RYR1: variants seen among roughly 807,000 people sequenced by gnomAD.
The protein encoded by RYR1 is central core disease of muscle.
RYR1 carries 342 observed loss-of-function variants against 583.5 expected under a neutral mutation model. The observed-to-expected ratio is 0.59, with a 90% confidence interval of 0.54 to 0.64. RYR1 has a LOEUF of 0.64. Among genes scored for constraint, RYR1 ranks in the 30% least tolerant of loss-of-function variants. The probability of loss-of-function intolerance (pLI) is 0.00; values close to 1 mark genes in which losing one functional copy is unlikely to be tolerated. For synonymous variants in RYR1, 2,791 were observed against 2,822.5 expected (o/e 0.99, Z 0.35); for missense variants, 6,032 against 6,917.2 (o/e 0.87, Z 4.54).
intron 26 of RYR1, 32 bp from the exon 27 acceptor site, chr19:38,469,273 C>G: frequency 6.2e-7 from 1 of 1,612,486 alleles, no homozygotes; most frequent in Non-Finnish European, 8.5e-7. Context: ...CCCACCTGCC[C>G]TCACCCCTGC....
rs1197396980 is a variant in RYR1, at chr19:38,535,303, T to C, written c.11440-13T>C. Reference sequence around the variant, plus strand: ...GACTCCCAGTTTCTCCTCCCCTGCCTCGCCCTCTGCAGAAAATGCTGGATT... The same window carrying C: ...GACTCCCAGTTTCTCCTCCCCTGCCCCGCCCTCTGCAGAAAATGCTGGATT... On this transcript the variant is annotated splice_polypyrimidine_tract_variant and intron_variant, in intron 80 of 105. Transcript: ENST00000359596. 2 of 1,613,956 alleles carry C rather than the reference T, an allele frequency of 1.2e-6. No individual in the cohort carries two copies. The highest frequency in any genetic ancestry group is 1.3e-5 in the African/African-American group (1 of 74,924).
Position 38,532,561 on chromosome 19 carries a change from T to C in RYR1, c.11193+20T>C, listed in dbSNP as rs771778522. 1 of 1,614,062 alleles carries C rather than the reference T, an allele frequency of 6.2e-7. No homozygotes were observed. The highest frequency in any genetic ancestry group is 8.5e-7 in the Non-Finnish European group (1 of 1,179,928). ...GCAAAGGTGAGGCCCTACCCCCCTC[T>C]TCTGGGGCAGATTTCCCTCTCCCCA... On this transcript the variant is annotated intron_variant, in intron 77 of 105. Coordinates refer to ENST00000359596, the MANE Select transcript of RYR1 (RefSeq NM_000540.3).
At chr19:38,448,245 A>G (rs1966889623) in intron 9 of RYR1, 110 bp from the exon 10 acceptor site, 2 of 1,251,892 alleles carry the variant, frequency 1.6e-6, no homozygotes, top group African/African-American at 3.0e-5. Flanking sequence ...CAGCTTGGGC[A>G]ACATAGCAAG....
In RYR1 at chr19:38,451,524, TAG is replaced by T. The variant is rs1248424398; in HGVS notation, c.1123-234_1123-233del. 1.7e-4 allele frequency among the ~76,000 whole-genome samples: 26 copies of T among 150,340 alleles called. 2 individuals are homozygous for T. The East Asian group carries it at 5.1e-3, about 30-fold the overall frequency. ...GAGGCAGGGACAGAGGTGAGAGAGA[TAG>T]AGAGACAAAGACAGACAAAACCAAA... On this transcript the variant is annotated intron_variant, in intron 11 of 105. Coordinates refer to ENST00000359596, the MANE Select transcript of RYR1 (RefSeq NM_000540.3).
chr19:38,576,426 G>A (rs934733224), intron 97 of RYR1, among the ~76,000 whole-genome samples: 34 of 152,180 alleles, frequency 2.2e-4, no homozygotes, highest in African/African-American at 8.2e-4. Context: ...TACAGCCTGG[G>A]TGAAAGAGTG....
chr19:38,456,996 A>C (rs113695964), intron 16 of RYR1, among the ~76,000 whole-genome samples: 4,885 of 123,588 alleles, frequency 0.04, 118 homozygotes, highest in South Asian at 0.066. Context: ...CAGTGAGCTG[A>C]GATTGCGCCA....
Position 38,586,562 on chromosome 19 carries a change from G to A in RYR1, c.15007G>A (p.Glu5003Lys). ...LMYLINKDET[E>K]HTGQESYVWK... ...GTATTTGATAAACAAGGATGAGACA[G>A]AACACACGGGTCAGGTAAGGGGGTG... The change falls in exon 105 of 106, where the codon GAA becomes AAA. Residue 5003 changes from glutamate (E) to lysine (K), a missense_variant. By Grantham distance (56) the Glu-to-Lys change is moderately conservative. This residue lies in a region of RYR1 where 189 missense variants were observed against 350.3 expected (regional missense o/e 0.54). Transcript: ENST00000359596. 6.2e-7 allele frequency: 1 copy of A among 1,614,170 alleles called. No homozygotes were observed. Among genetic ancestry groups the A allele is most frequent in the Non-Finnish European group, 8.5e-7 (1 of 1,179,992 alleles).
At chr19:38,486,366 G>C (rs1282297571) in intron 34 of RYR1, among the ~76,000 whole-genome samples, 164 bp downstream of exon 34, 1 of 151,598 alleles carries the variant, frequency 6.6e-6, no homozygotes, top group African/African-American at 2.4e-5. Flanking sequence ...ATTTTTTCGA[G>C]ACGGAGTCTC....
intron 89 of RYR1, among the ~76,000 whole-genome samples, chr19:38,554,563 T>C (rs1222286328): frequency 6.6e-6 from 1 of 151,898 alleles, no homozygotes; most frequent in Non-Finnish European, 1.5e-5. Flanking sequence ...ACTTTGTAGA[T>C]TTCAAAACAT....
intron 34 of RYR1, among the ~76,000 whole-genome samples, 167 bp downstream of exon 34, chr19:38,486,369 G>A (rs1211623618): frequency 2.6e-5 from 4 of 151,248 alleles, no homozygotes; most frequent in Admixed American, 6.6e-5. Context: ...TTTTCGAGAC[G>A]GAGTCTCACT....
rs774919231 is a variant in RYR1, at chr19:38,451,827, G to T, written c.1186G>T (p.Glu396Ter). 12 of 1,614,000 alleles carry T rather than the reference G, an allele frequency of 7.4e-6. No homozygotes were observed. In the East Asian group the frequency reaches 1.3e-4, roughly 18 times the overall value. ...ALSLTRCQQE[E>*]SQAARMIHST... ...GTCGCTGACCCGCTGCCAGCAGGAGGAGTCCCAGGCCGCCCGCATGATCCA... is the reference window on the plus strand; with the variant it reads ...GTCGCTGACCCGCTGCCAGCAGGAGTAGTCCCAGGCCGCCCGCATGATCCA... The change falls in exon 12 of 106, where the codon GAG becomes TAG. Residue 396 changes from glutamate (E) to a stop codon, truncating the protein, a stop_gained. Coordinates refer to ENST00000359596, the MANE Select transcript of RYR1 (RefSeq NM_000540.3). LOFTEE classifies it high-confidence loss of function.
chr19:38,562,318 C>T (rs1312123883), intron 90 of RYR1, among the ~76,000 whole-genome samples: 1 of 152,092 alleles, frequency 6.6e-6, no homozygotes, highest in Non-Finnish European at 1.5e-5. Flanking sequence ...GGTACACTCA[C>T]GTGGTCCCGG....
At chr19:38,584,228 C>T (rs888174364) in intron 101 of RYR1, among the ~76,000 whole-genome samples, 14 of 151,122 alleles carry the variant, frequency 9.3e-5, no homozygotes, top group Admixed American at 6.6e-5. Flanking sequence ...CTGCCTGTGC[C>T]CCTCCCATCC....
chr19:38,505,081 G>C lies in RYR1; in HGVS notation c.8310G>C (p.Lys2770Asn). ...CACACGAGAAGTGGGCCTTCGACAAGGTTGGCCTCAGGGTCCTCCTATCCA... is the reference window on the plus strand; with the variant it reads ...CACACGAGAAGTGGGCCTTCGACAACGTTGGCCTCAGGGTCCTCCTATCCA... Reference protein sequence around the residue: ...EYTHEKWAFDKIQNNWSYGEN... With the variant: ...EYTHEKWAFDNIQNNWSYGEN... The change falls in exon 52 of 106, where the codon AAG (lysine) becomes AAC (asparagine). Residue 2770 changes from lysine to asparagine, a missense_variant and splice_region_variant. Transcript: ENST00000359596. 1 of 1,614,044 alleles carries C rather than the reference G, an allele frequency of 6.2e-7. No individual in the cohort carries two copies.
At chr19:38,503,727 C>T (rs557190285) in intron 49 of RYR1, among the ~76,000 whole-genome samples, 210 of 151,202 alleles carry the variant, frequency 1.4e-3, no homozygotes, top group African/African-American at 4.3e-3. Context: ...GAGCCGAGAT[C>T]GTGCCACTGC....
At chr19:38,580,175 G>A (rs1289227105) in intron 100 of RYR1, 47 bp downstream of exon 100, 15 of 1,613,104 alleles carry the variant, frequency 9.3e-6, no homozygotes, top group Admixed American at 1.7e-5. Flanking sequence ...AGGGACCAGC[G>A]TGGCAGTGGG....
chr19:38,461,979 C>T lies in RYR1; in HGVS notation c.2577+1388C>T, dbSNP rs575062828. 9.2e-5 allele frequency among the ~76,000 whole-genome samples: 14 copies of T among 152,054 alleles called. No individual in the cohort carries two copies. In the South Asian group the frequency reaches 1.0e-3, roughly 11 times the overall value. On this transcript the variant is annotated intron_variant, in intron 20 of 105. Coordinates refer to ENST00000359596, the MANE Select transcript of RYR1 (RefSeq NM_000540.3). ...CTGAGGCAGGAGAATCACTTGAACCCGGGAGGTGGAGGTTGCAGTGAGCCG... is the reference window on the plus strand; with the variant it reads ...CTGAGGCAGGAGAATCACTTGAACCTGGGAGGTGGAGGTTGCAGTGAGCCG...
Position 38,508,463 on chromosome 19 carries a change from G to A in RYR1, c.8932+636G>A, listed in dbSNP as rs188279942. ...TCTCGACCTCGTGATCTGCCGCCTC[G>A]GCCTCCCAAAGTGCTGGGATTAAAG... On this transcript the variant is annotated intron_variant, in intron 58 of 105. Transcript: ENST00000359596. Among the ~76,000 whole-genome samples, 192 of 152,220 alleles carry A rather than the reference G, an allele frequency of 1.3e-3. 1 individual carries two copies. The highest frequency in any genetic ancestry group is 4.2e-3 in the African/African-American group (175 of 41,544).
chr19:38,494,227 C>T lies in RYR1; in HGVS notation c.6275-125C>T, dbSNP rs74421511. ...CTGCCTGCTCCCAGCAGGTGGAGGGCGCAGGTGGTAGTAACTGGGAAAACT... is the reference window on the plus strand; with the variant it reads ...CTGCCTGCTCCCAGCAGGTGGAGGGTGCAGGTGGTAGTAACTGGGAAAACT... On this transcript the variant is annotated intron_variant, in intron 38 of 105. Coordinates refer to ENST00000359596, the MANE Select transcript of RYR1 (RefSeq NM_000540.3). 965 of 1,065,322 alleles carry T rather than the reference C, an allele frequency of 9.1e-4. 9 individuals carry two copies. The East Asian group carries it at 0.014, about 16-fold the overall frequency. The allele number at this position is 1,065,322 out of a possible 1,614,324, so 66.0% of individuals were successfully genotyped here.
Sources: allele counts gnomAD v4.1 joint callset (sites outside exome capture counted in the v4.1 genomes callset), GRCh38; gene constraint gnomAD v4.1.1; regional missense constraint gnomAD v4.1.1; transcripts MANE v1.5; gene names NCBI Gene and HGNC (gene_info 2026-07-23, HGNC 2026-07-21).